The following ANK2 variants were observed in gnomAD, a reference collection of about 807,000 sequenced individuals.
ANK2 encodes ankyrin-2.
Under a neutral mutation model 360.5 loss-of-function variants are expected in ANK2, and 83 were observed. The ratio of observed to expected loss-of-function variants is 0.23; its 90% CI spans 0.19 to 0.28. ANK2 has a LOEUF of 0.28. Among genes scored for constraint, ANK2 ranks in the 10% least tolerant of loss-of-function variants. The pLI is 1.00. For synonymous variants in ANK2, 1,740 were observed against 1,759.5 expected (o/e 0.99, Z 0.28); for missense variants, 4,201 against 4,795.7 (o/e 0.88, Z 3.66).
At chr4:113,262,028 G>A (rs1202362178) in intron 13 of ANK2, among the ~76,000 whole-genome samples, 1 of 152,058 alleles carries the variant, frequency 6.6e-6, no homozygotes, top group Non-Finnish European at 1.5e-5. Flanking sequence ...ACTCCAGCCT[G>A]GGGTACAGAG....
At chr4:113,069,137 G>A (rs1317678914) in intron 1 of ANK2, among the ~76,000 whole-genome samples, 1 of 152,122 alleles carries the variant, frequency 6.6e-6, no homozygotes, top group Non-Finnish European at 1.5e-5. Context: ...AGTCCTGGAA[G>A]TAAAAGGTGA....
At chr4:113,220,523 T>A (rs2099138533) in intron 4 of ANK2, among the ~76,000 whole-genome samples, 1 of 152,256 alleles carries the variant, frequency 6.6e-6, no homozygotes, top group Non-Finnish European at 1.5e-5. Context: ...TTTTTAAATT[T>A]GTTTACTTTC....
chr4:113,367,408 G>A (rs1336942735), intron 41 of ANK2, among the ~76,000 whole-genome samples, 158 bp from the exon 42 acceptor site: 1 of 151,996 alleles, frequency 6.6e-6, no homozygotes, highest in East Asian at 1.9e-4. Flanking sequence ...CTTGAAGGTG[G>A]ACACAGTGTC....
At chr4:113,002,041 T>G (rs545815455) in intron 2 of ANK2, among the ~76,000 whole-genome samples, 2 of 152,166 alleles carry the variant, frequency 1.3e-5, no homozygotes, top group Non-Finnish European at 2.9e-5. Flanking sequence ...ATTATTATTT[T>G]ACTTTAAGTT....
At chr4:112,731,567 C>A in the ANK2 span, among the ~76,000 whole-genome samples, 1 of 151,760 alleles carries the variant, frequency 6.6e-6, no homozygotes. Flanking sequence ...CCAATCTCTA[C>A]AGAAAATACA....
intron 1 of ANK2, among the ~76,000 whole-genome samples, chr4:113,153,717 T>C (rs1447527938): frequency 6.6e-6 from 1 of 152,230 alleles, no homozygotes; most frequent in Non-Finnish European, 1.5e-5. Flanking sequence ...GTTAATCCTT[T>C]ATGTCAGCGC....
intron 21 of ANK2, 46 bp from the exon 22 acceptor site, chr4:113,293,394 G>A: frequency 6.5e-7 from 1 of 1,547,674 alleles, no homozygotes; most frequent in Non-Finnish European, 8.9e-7. Flanking sequence ...TCACATCGCA[G>A]TCCTCTCTCT....
intron 40 of ANK2, among the ~76,000 whole-genome samples, chr4:113,363,912 G>A (rs1008668043): frequency 6.6e-6 from 1 of 152,170 alleles, no homozygotes; most frequent in Non-Finnish European, 1.5e-5. Context: ...TTGAGACCCT[G>A]AACTGAATAA....
intron 45 of ANK2, among the ~76,000 whole-genome samples, chr4:113,380,022 G>C (rs1474220522): frequency 2.0e-5 from 3 of 152,052 alleles, no homozygotes; most frequent in Non-Finnish European, 4.4e-5. Context: ...TTTGACTCTT[G>C]GTCCCACTGT....
intron 23 of ANK2, among the ~76,000 whole-genome samples, chr4:113,308,628 G>T (rs2078375110): frequency 6.6e-6 from 1 of 152,208 alleles, no homozygotes; most frequent in South Asian, 2.1e-4. Context: ...TTACAAAGAA[G>T]AAATCACTTC....
At chr4:112,763,363 G>T in the ANK2 span, among the ~76,000 whole-genome samples, 11 of 151,864 alleles carry the variant, frequency 7.2e-5, no homozygotes, top group African/African-American at 2.7e-4. Flanking sequence ...AGAGTAGCTG[G>T]GACTACAGGT....
At chr4:112,802,204 A>G in the ANK2 span, among the ~76,000 whole-genome samples, 1 of 152,154 alleles carries the variant, frequency 6.6e-6, no homozygotes, top group African/African-American at 2.4e-5. Flanking sequence ...GGAGGCTTGC[A>G]GGGTGGAAAG....
Position 113,355,079 on chromosome 4 carries a change from G to A in ANK2, c.6461G>A (p.Arg2154His), listed in dbSNP as rs752318984. The part of the protein sequence containing the change: ...LEDNDKYQQF[R>H]LSEETEKAQL... ...GACAATGACAAATACCAACAATTCCGCCTGAGTGAGGAGACAGAAAAGGCA... is the reference window on the plus strand; with the variant it reads ...GACAATGACAAATACCAACAATTCCACCTGAGTGAGGAGACAGAAAAGGCA... Residue 2154 changes from arginine (R) to histidine (H), a missense_variant, in exon 38 of 46, where the codon CGC (arginine) becomes CAC (histidine). By Grantham distance (29) the Arg-to-His change is conservative. Around this residue, in one of 4 missense-constraint regions of ANK2, gnomAD observed 2,642 missense variants for 2,714.5 expected, o/e 0.97. Transcript: ENST00000357077. The A allele has an allele frequency of 8.7e-6, 14 of 1,614,086 alleles. No individual in the cohort carries two copies. Among genetic ancestry groups the A allele is most frequent in the South Asian group, 5.5e-5 (5 of 91,074 alleles).
At chr4:112,932,216 G>A (rs1317854112) in intron 2 of ANK2, among the ~76,000 whole-genome samples, 1 of 152,164 alleles carries the variant, frequency 6.6e-6, no homozygotes, top group Non-Finnish European at 1.5e-5. Context: ...AATTAGCCAG[G>A]CATGTTGGCT....
Position 113,357,063 on chromosome 4 carries a change from A to G in ANK2, c.8445A>G (p.Gln2815=). ...TCTATAAAGAATCATTAGCTCTCCA[A>G]GGCACTCATGAAAAAGACACAGAGG... is the stretch of plus-strand genomic sequence containing the variant. ...PVIYKESLAL[Q]GTHEKDTEGE... The change falls in exon 38 of 46, where the codon CAA becomes CAG. Residue 2815 remains glutamine (Q), a synonymous_variant. Transcript: ENST00000357077. 1 of 1,614,082 alleles carries G rather than the reference A, an allele frequency of 6.2e-7. No homozygotes were observed. The highest frequency in any genetic ancestry group is 8.5e-7 in the Non-Finnish European group (1 of 1,179,958).
At chr4:113,274,367 G>T (rs1465432043) in intron 14 of ANK2, 85 bp from the exon 15 acceptor site, 3 of 1,422,898 alleles carry the variant, frequency 2.1e-6, no homozygotes, top group Non-Finnish European at 3.0e-6. Flanking sequence ...ATTCCAAGAA[G>T]ACATCATGAA....
In ANK2 at chr4:112,888,653, A is replaced by G. The variant is rs537589797; in HGVS notation, c.-39-15802A>G. ...CCCCCTGTCTACCCCAAAAGAAACA[A>G]CCTAGCAATGCTCAAAATGACAAAT... On this transcript the variant is annotated intron_variant, in intron 1 of 30. Coordinates refer to the ANK2 transcript ENST00000503271. Among the ~76,000 whole-genome samples, 12 of 152,232 alleles carry G rather than the reference A, an allele frequency of 7.9e-5. No individual in the cohort carries two copies. In the East Asian group the frequency reaches 1.4e-3, roughly 17 times the overall value.
At chr4:112,721,152 G>A in the ANK2 span, among the ~76,000 whole-genome samples, 2 of 152,170 alleles carry the variant, frequency 1.3e-5, no homozygotes, top group African/African-American at 4.8e-5. Flanking sequence ...GGGAGGGACA[G>A]AGATGGAGGA....
intron 1 of ANK2, among the ~76,000 whole-genome samples, chr4:112,852,928 C>T (rs2065366561): frequency 1.3e-5 from 2 of 152,170 alleles, no homozygotes; most frequent in African/African-American, 4.8e-5. Flanking sequence ...TATTTAAAGT[C>T]ACTTTGTGGA....
Sources: allele counts gnomAD v4.1 joint callset (sites outside exome capture counted in the v4.1 genomes callset), GRCh38; gene constraint gnomAD v4.1.1; regional missense constraint gnomAD v4.1.1; transcripts MANE v1.5; gene names NCBI Gene and HGNC (gene_info 2026-07-23, HGNC 2026-07-21).